ATM: variants seen among roughly 807,000 people sequenced by gnomAD.
ATM encodes ATM serine/threonine kinase.
Under a neutral mutation model 387.0 loss-of-function variants are expected in ATM, and 308 were observed. The ratio of observed to expected loss-of-function variants is 0.80; its 90% CI spans 0.73 to 0.87. The LOEUF (loss-of-function observed/expected upper bound fraction) is 0.87. ATM is among the 40% of genes least tolerant of loss of function. The probability of loss-of-function intolerance (pLI) is 0.00; values close to 1 mark genes in which losing one functional copy is unlikely to be tolerated. For missense variants in ATM, 3,312 were observed against 3,560.9 expected, an observed-to-expected ratio of 0.93 and a Z score of 1.78; for synonymous variants, 1,156 against 1,187.3, an observed-to-expected ratio of 0.97 and a Z score of 0.54.
chr11:108,367,005 T>G lies in ATM; in HGVS notation c.*1497T>G, dbSNP rs1469068190. 5.1e-6 allele frequency: 1 copy of G among 195,388 alleles called. No homozygotes were observed. Among genetic ancestry groups the G allele is most frequent in the Non-Finnish European group, 1.1e-5 (1 of 94,138 alleles). 12.1% of individuals were successfully genotyped at this position (195,388 alleles called of 1,614,324 possible). A position where few individuals can be genotyped will look rare whatever the true frequency, so the allele number is the denominator to read the frequency against. On this transcript the variant is annotated 3_prime_UTR_variant, in exon 63 of 63. Coordinates refer to ENST00000675843, the MANE Select transcript of ATM (RefSeq NM_000051.4). ...GTTTTTCATTCCCCTCATTTTTTTC[T>G]GAGACAGAGTCTTGCTCTGTCACCC...
intron 29 of ATM, 68 bp from the exon 30 acceptor site, chr11:108,292,548 GAAT>G: frequency 6.5e-7 from 1 of 1,533,056 alleles, no homozygotes; most frequent in Non-Finnish European, 9.0e-7. Context: ...AAGGACTTCT[GAAT>G]GAATTTATTT....
intron 3 of ATM, 78 bp from the exon 4 acceptor site, chr11:108,229,100 A>G: frequency 6.9e-7 from 1 of 1,453,606 alleles, no homozygotes; most frequent in Non-Finnish European, 9.4e-7. Flanking sequence ...GCTCTTTGTG[A>G]TGGCATGAAC....
chr11:108,351,952 G>A (rs1387449714), intron 59 of ATM, among the ~76,000 whole-genome samples: 2 of 152,140 alleles, frequency 1.3e-5, no homozygotes, highest in African/African-American at 4.8e-5. Flanking sequence ...CTCAGCTATA[G>A]CAAGCCCTTT....
chr11:108,339,269 G>A (rs1000129752), intron 56 of ATM, among the ~76,000 whole-genome samples: 3 of 152,154 alleles, frequency 2.0e-5, no homozygotes, highest in African/African-American at 7.2e-5. Context: ...TAAAAGGCAA[G>A]TCTCTAATAA....
intron 59 of ATM, among the ~76,000 whole-genome samples, chr11:108,353,005 A>G (rs2089398299): frequency 6.6e-6 from 1 of 152,142 alleles, no homozygotes; most frequent in African/African-American, 2.4e-5. Context: ...GGAATATTAT[A>G]TATCTTGACT....
At chr11:108,280,658 A>AT (rs1455032888) in intron 23 of ATM, among the ~76,000 whole-genome samples, 1 of 152,144 alleles carries the variant, frequency 6.6e-6, no homozygotes, top group Non-Finnish European at 1.5e-5. Flanking sequence ...ATGTTTCTGT[A>AT]TTTTTTAGAG....
At chr11:108,262,578 A>G (rs929698837) in intron 16 of ATM, among the ~76,000 whole-genome samples, 5 of 152,292 alleles carry the variant, frequency 3.3e-5, no homozygotes, top group South Asian at 2.1e-4. Context: ...GCATCAACTA[A>G]TGAGCAAAAT....
At position 108,336,507 on chromosome 11, in the gene ATM, T is replaced by C. The variant is rs116168092; in HGVS notation, c.8268+546T>C. On this transcript the variant is annotated intron_variant, in intron 56 of 62. Transcript: ENST00000675843. ...CAACAATATGTCACAGAAATCTTTCTCATTTTTTAACAGCTGCATTGTGTG... is the reference window on the plus strand; with the variant it reads ...CAACAATATGTCACAGAAATCTTTCCCATTTTTTAACAGCTGCATTGTGTG... 391 of 156,860 alleles carry C rather than the reference T, an allele frequency of 2.5e-3. 5 individuals carry two copies. Among genetic ancestry groups the C allele is most frequent in the African/African-American group, 9.1e-3 (377 of 41,592 alleles). The allele number at this position is 156,860 out of a possible 1,614,324, so 9.7% of individuals were successfully genotyped here.
rs572158176 is a variant in ATM at position 108,228,568 on chromosome 11, A to G, written c.186-610A>G. 3.3e-5 allele frequency among the ~76,000 whole-genome samples: 5 copies of G among 152,238 alleles called. No individual in the cohort carries two copies. In the South Asian group the frequency reaches 1.0e-3, roughly 31 times the overall value. ...ATTTAGTTGTCCTTCAGTGTTTATGACAGATTCTGTTTTATTTTTAGCTCC... is the reference window on the plus strand; with the variant it reads ...ATTTAGTTGTCCTTCAGTGTTTATGGCAGATTCTGTTTTATTTTTAGCTCC... On this transcript the variant is annotated intron_variant, in intron 3 of 62. Transcript: ENST00000675843.
In ATM at chr11:108,243,954, A is replaced by C. The variant is rs587779842; in HGVS notation, c.498A>C (p.Glu166Asp). 1 of 1,550,818 alleles carries C rather than the reference A, an allele frequency of 6.4e-7. No individual in the cohort carries two copies. Among genetic ancestry groups the C allele is most frequent in the African/African-American group, 1.4e-5 (1 of 71,974 alleles). The change falls in exon 6 of 63, where the codon GAA (glutamate) becomes GAC (aspartate). Residue 166 changes from glutamate (E) to aspartate (D), a missense_variant and splice_region_variant. By Grantham distance (45) the Glu-to-Asp change is conservative. Around this residue, in one of 4 missense-constraint regions of ATM, gnomAD observed 1,791 missense variants for 1,804.5 expected, o/e 0.99. Transcript: ENST00000675843. ...WCEISQQQWL[E>D]LFSVYFRLYL... ...TAATAATTTTTTTTTTTTTTTAAGA[A>C]TTGTTCTCTGTGTACTTCAGGCTCT...
chr11:108,337,327 C>G (rs2086958969), intron 56 of ATM, among the ~76,000 whole-genome samples: 2 of 152,154 alleles, frequency 1.3e-5, no homozygotes, highest in South Asian at 4.1e-4. Context: ...TAGATGTTTT[C>G]CATTAGCAGT....
chr11:108,239,418 T>G (rs1438669872), intron 5 of ATM, among the ~76,000 whole-genome samples: 4 of 152,248 alleles, frequency 2.6e-5, no homozygotes, highest in Non-Finnish European at 5.9e-5. Flanking sequence ...TGCAACCTGC[T>G]TATTACACTT....
At chr11:108,341,188 C>A (rs888262423) in intron 56 of ATM, among the ~76,000 whole-genome samples, 3 of 151,988 alleles carry the variant, frequency 2.0e-5, no homozygotes, top group African/African-American at 7.2e-5. Context: ...TTTGCAATTG[C>A]TTAGACACAC....
chr11:108,344,333 C>T (rs1467974977), intron 57 of ATM, among the ~76,000 whole-genome samples: 1 of 151,948 alleles, frequency 6.6e-6, no homozygotes, highest in Non-Finnish European at 1.5e-5. Context: ...AGTTGTTTTT[C>T]CAGGCAGAAG....
chr11:108,285,603 A>C (rs2082450131), intron 26 of ATM, among the ~76,000 whole-genome samples: 1 of 152,084 alleles, frequency 6.6e-6, no homozygotes, highest in South Asian at 2.1e-4. Flanking sequence ...GATAAACTTC[A>C]AGGGACCTTT....
chr11:108,347,517 C>G (rs935686631), intron 59 of ATM, 152 bp downstream of exon 59: 1 of 660,498 alleles, frequency 1.5e-6, no homozygotes, highest in Middle Eastern at 4.3e-4. Context: ...AACAGTTGTC[C>G]TAGAAGAAAC....
intron 22 of ATM, among the ~76,000 whole-genome samples, chr11:108,279,210 A>C (rs1442495518): frequency 6.6e-6 from 1 of 152,204 alleles, no homozygotes; most frequent in Non-Finnish European, 1.5e-5. Context: ...GGCTAGTTTG[A>C]GTTCAGTGCT....
At chr11:108,294,862 T>G (rs2083028398) in intron 31 of ATM, 65 bp from the exon 32 acceptor site, 5 of 1,586,868 alleles carry the variant, frequency 3.2e-6, no homozygotes, top group Middle Eastern at 1.7e-4. Flanking sequence ...TTTTTTCTTT[T>G]ATTAAGTTTT....
In ATM at chr11:108,325,528, C is replaced by T. The variant is rs1468747245; in HGVS notation, c.6791C>T (p.Thr2264Ile). ...GTAGAACTCTCTATACTGGCCAGAACTTTCAAGAACACTCAGGTAAATACA... is the reference window on the plus strand; with the variant it reads ...GTAGAACTCTCTATACTGGCCAGAATTTTCAAGAACACTCAGGTAAATACA... ...HLVELSILAR[T>I]FKNTQLPERA... The change falls in exon 46 of 63, where the codon ACT becomes ATT. Residue 2264 changes from threonine (T) to isoleucine (I), a missense_variant. Thr to Ile is a moderately conservative substitution (Grantham distance 89). Transcript: ENST00000675843. The T allele has an allele frequency of 6.2e-7, 1 of 1,604,918 alleles. No homozygotes were observed. Among genetic ancestry groups the T allele is most frequent in the Non-Finnish European group, 8.5e-7 (1 of 1,173,338 alleles).
Sources: allele counts gnomAD v4.1 joint callset (sites outside exome capture counted in the v4.1 genomes callset), GRCh38; gene constraint gnomAD v4.1.1; regional missense constraint gnomAD v4.1.1; transcripts MANE v1.5; gene names NCBI Gene and HGNC (gene_info 2026-07-23, HGNC 2026-07-21).